PRKCB: variants seen among roughly 807,000 people sequenced by gnomAD.
The protein encoded by PRKCB is protein kinase C beta type.
A neutral mutation model predicts 81.5 loss-of-function variants in PRKCB; 13 were observed. That is an observed-to-expected ratio of 0.16 (90% CI 0.10 to 0.25). PRKCB has a LOEUF of 0.25. PRKCB is among the 10% of genes least tolerant of loss of function. The pLI is 1.00. For missense variants in PRKCB, 509 were observed against 875.7 expected (o/e 0.58, Z 5.29); for synonymous variants, 335 against 321.4 (o/e 1.04, Z -0.45).
At chr16:24,034,616 T>C (rs536634131) in intron 4 of PRKCB, among the ~76,000 whole-genome samples, 3 of 152,322 alleles carry the variant, frequency 2.0e-5, no homozygotes, top group African/African-American at 7.2e-5. Flanking sequence ...CTAAATCTTT[T>C]TCCTTGTAAT....
At chr16:23,936,184 T>C (rs1395024845) in intron 2 of PRKCB, among the ~76,000 whole-genome samples, 2 of 151,118 alleles carry the variant, frequency 1.3e-5, no homozygotes, top group Admixed American at 1.3e-4. Context: ...CAACCCCTAT[T>C]CTCCACCTTG....
chr16:23,935,573 T>C (rs1402324931), intron 2 of PRKCB, among the ~76,000 whole-genome samples: 1 of 152,108 alleles, frequency 6.6e-6, no homozygotes, highest in African/African-American at 2.4e-5. Flanking sequence ...AATAGTGTTT[T>C]AAATGTATTT....
chr16:24,200,623 G>C (rs1475095425), intron 16 of PRKCB, among the ~76,000 whole-genome samples: 1 of 152,222 alleles, frequency 6.6e-6, no homozygotes, highest in Non-Finnish European at 1.5e-5. Flanking sequence ...GAGACTTCTT[G>C]CTGTGTCATC....
chr16:23,917,291 C>G (rs980237873), intron 2 of PRKCB, among the ~76,000 whole-genome samples: 1 of 152,074 alleles, frequency 6.6e-6, no homozygotes, highest in Admixed American at 6.6e-5. Flanking sequence ...CCATGTTGCC[C>G]GAGCTGGTCT....
intron 15 of PRKCB, among the ~76,000 whole-genome samples, chr16:24,186,752 C>A (rs1232791768): frequency 6.6e-6 from 1 of 152,238 alleles, no homozygotes; most frequent in Non-Finnish European, 1.5e-5. Flanking sequence ...GCTGGGCCAG[C>A]CTCTCAGCCT....
At chr16:24,059,971 G>A (rs2141876645) in intron 5 of PRKCB, among the ~76,000 whole-genome samples, 1 of 152,272 alleles carries the variant, frequency 6.6e-6, no homozygotes, top group African/African-American at 2.4e-5. Context: ...AGGAGGGGAT[G>A]TGGAAAGAGG....
chr16:23,899,055 A>C (rs1963424631), intron 2 of PRKCB, among the ~76,000 whole-genome samples: 1 of 152,208 alleles, frequency 6.6e-6, no homozygotes, highest in Non-Finnish European at 1.5e-5. Flanking sequence ...TTCGTGTTGC[A>C]TCTCAGGGCT....
chr16:23,873,196 A>C (rs1364308809), intron 2 of PRKCB, among the ~76,000 whole-genome samples: 20 of 139,580 alleles, frequency 1.4e-4, no homozygotes, highest in African/African-American at 5.1e-4. Context: ...ACACAAAAAA[A>C]AAAAAAAAAA....
chr16:24,191,038 A>C, intron 15 of PRKCB, 52 bp from the exon 16 acceptor site: 2 of 1,583,950 alleles, frequency 1.3e-6, no homozygotes, highest in Non-Finnish European at 1.7e-6. Flanking sequence ...TGAGTGTCTT[A>C]CATTTCCTCT....
In PRKCB at chr16:23,888,231, G is replaced by T. The variant is rs114721785; in HGVS notation, c.205+50825G>T. On this transcript the variant is annotated intron_variant, in intron 2 of 16. Transcript: ENST00000643927. ...TAGTTTCAGGCTGCCTCTTAGGACA[G>T]ATGCTGATACCAAGTGACTTTTGAG... is the stretch of plus-strand genomic sequence containing the variant. 6.2e-3 allele frequency among the ~76,000 whole-genome samples: 938 copies of T among 152,322 alleles called. 10 individuals carry two copies. Among genetic ancestry groups the T allele is most frequent in the African/African-American group, 0.022 (899 of 41,572 alleles).
Position 24,158,110 on chromosome 16 carries a change from G to A in PRKCB, c.1239+3253G>A, listed in dbSNP as rs115041390. Among the ~76,000 whole-genome samples the A allele has an allele frequency of 5.6e-3, 857 of 152,246 alleles. 6 individuals are homozygous for A. Among genetic ancestry groups the A allele is most frequent in the African/African-American group, 0.019 (799 of 41,536 alleles). On this transcript the variant is annotated intron_variant, in intron 10 of 16. Transcript: ENST00000643927. ...TATCGATTGAAAGAAAAAAGTGCTT[G>A]GAGAGACGCACTCACTGCAAGCAAG...
intron 2 of PRKCB, among the ~76,000 whole-genome samples, chr16:23,847,360 CTATCTATCTATCTATCTGTCCATCT>C (rs1567288250): frequency 6.0e-4 from 26 of 43,062 alleles, no homozygotes; most frequent in Admixed American, 1.5e-3. Context: ...ATCTATCTAT[CTATCTATCTATCTATCTGTCCATCT>C]ATCTATCTAT....
chr16:24,025,438 T>C (rs1205766331), intron 3 of PRKCB, among the ~76,000 whole-genome samples: 1 of 152,246 alleles, frequency 6.6e-6, no homozygotes, highest in Non-Finnish European at 1.5e-5. Context: ...GTCCCTGGCA[T>C]GAATAAATGT....
chr16:24,119,774 T>G (rs1437788936), intron 8 of PRKCB, among the ~76,000 whole-genome samples: 1 of 152,110 alleles, frequency 6.6e-6, no homozygotes, highest in Non-Finnish European at 1.5e-5. Flanking sequence ...AACTACCCCC[T>G]CGTTGCCTCT....
At chr16:23,937,705 A>G (rs1460942393) in intron 2 of PRKCB, among the ~76,000 whole-genome samples, 3 of 152,222 alleles carry the variant, frequency 2.0e-5, no homozygotes, top group African/African-American at 7.2e-5. Flanking sequence ...TTCCTAGACT[A>G]AGAGACTCAG....
At chr16:23,873,824 C>T (rs980321830) in intron 2 of PRKCB, among the ~76,000 whole-genome samples, 21 of 152,128 alleles carry the variant, frequency 1.4e-4, no homozygotes, top group Non-Finnish European at 3.1e-4. Flanking sequence ...GCTTCTGGGT[C>T]CCACTCTTCA....
intron 7 of PRKCB, among the ~76,000 whole-genome samples, chr16:24,106,294 T>TATTA: frequency 6.6e-6 from 1 of 152,264 alleles, no homozygotes; most frequent in South Asian, 2.1e-4. Context: ...AATTAGTTAA[T>TATTA]ATAAGTGAGG....
At chr16:24,177,852 A>G (rs573001894) in intron 12 of PRKCB, among the ~76,000 whole-genome samples, 4 of 152,336 alleles carry the variant, frequency 2.6e-5, no homozygotes, top group East Asian at 1.9e-4. Context: ...CAAAGATTCT[A>G]TGAGCTCCCC....
At chr16:23,836,838 T>A (rs1962170265) in intron 1 of PRKCB, among the ~76,000 whole-genome samples, 1 of 150,698 alleles carries the variant, frequency 6.6e-6, no homozygotes, top group African/African-American at 2.4e-5. Flanking sequence ...CTCACTCCTC[T>A]GTGCCTCCGG....
Sources: gnomAD v4.1 joint callset for allele counts (sites outside exome capture counted in the v4.1 genomes callset) on GRCh38, gnomAD v4.1.1 for gene constraint, MANE v1.5 for transcripts, NCBI Gene and HGNC (gene_info 2026-07-23, HGNC 2026-07-21) for gene names.